The following HHAT variants were observed in gnomAD, a reference collection of about 807,000 sequenced individuals.
HHAT encodes the protein protein-cysteine N-palmitoyltransferase HHAT.
A neutral mutation model predicts 70.8 loss-of-function variants in HHAT; 47 were observed. That is an observed-to-expected ratio of 0.66 (90% CI 0.53 to 0.85). HHAT has a LOEUF of 0.85. Ranked by LOEUF, HHAT falls within the 40% of genes least tolerant of loss-of-function variation. The pLI, the probability that HHAT is intolerant of heterozygous loss-of-function variation, is 0.00. For missense variants in HHAT, 609 were observed against 604.8 expected (o/e 1.01, Z -0.07); for synonymous variants, 228 against 247.6 (o/e 0.92, Z 0.74).
intron 7 of HHAT, among the ~76,000 whole-genome samples, chr1:210,436,157 T>TA (rs1209900722): frequency 1.3e-5 from 2 of 151,842 alleles, no homozygotes; most frequent in Admixed American, 1.3e-4. Context: ...GATAGAGGTC[T>TA]AATTTGGTTC....
chr1:210,339,891 T>C (rs2085852629), intron 1 of HHAT, among the ~76,000 whole-genome samples: 1 of 152,218 alleles, frequency 6.6e-6, no homozygotes, highest in African/African-American at 2.4e-5. Context: ...AGTGGGTATA[T>C]ATTTTAAACT....
chr1:210,507,089 A>G (rs1219776818), intron 8 of HHAT, among the ~76,000 whole-genome samples: 1 of 152,206 alleles, frequency 6.6e-6, no homozygotes, highest in Non-Finnish European at 1.5e-5. Context: ...ATATGAAGGA[A>G]AAAGCACAGA....
At chr1:210,588,346 T>C (rs746368414) in intron 10 of HHAT, 57 of 410,106 alleles carry the variant, frequency 1.4e-4, no homozygotes, top group African/African-American at 2.6e-4. Context: ...AATTAGAACA[T>C]TTAAACAAGA....
chr1:210,667,767 T>C (rs532573598), intron 11 of HHAT, among the ~76,000 whole-genome samples: 81 of 152,324 alleles, frequency 5.3e-4, no homozygotes, highest in African/African-American at 1.9e-3. Context: ...AAATAATATA[T>C]ACTGTATTAT....
At chr1:210,634,778 G>T (rs1469887389) in intron 11 of HHAT, among the ~76,000 whole-genome samples, 4 of 152,156 alleles carry the variant, frequency 2.6e-5, no homozygotes, top group African/African-American at 9.7e-5. Flanking sequence ...TTGCTGGAGG[G>T]TTGGCTCATG....
chr1:210,394,229 C>CTTT lies in HHAT; in HGVS notation c.274-6206_274-6204dup, dbSNP rs59554789. On this transcript the variant is annotated intron_variant, in intron 4 of 11. Transcript: ENST00000261458. ...TTTTATTTTCAAAAGCATGATCTAT[C>CTTT]TTTTTTTTTTTTTTTTTTTTTTTTT... Among the ~76,000 whole-genome samples, 100 of 116,228 alleles carry CTTT rather than the reference C, an allele frequency of 8.6e-4. 5 individuals carry two copies. Among genetic ancestry groups the CTTT allele is most frequent in the East Asian group, 7.5e-3 (18 of 2,388 alleles). The allele number at this position is 116,228 out of a possible 152,430, so 76.3% of individuals were successfully genotyped here.
intron 8 of HHAT, among the ~76,000 whole-genome samples, chr1:210,484,384 G>C (rs746795062): frequency 4.6e-5 from 7 of 152,076 alleles, no homozygotes; most frequent in Non-Finnish European, 8.8e-5. Flanking sequence ...ATCCTTGTCA[G>C]GGTATGTCAT....
chr1:210,453,625 GACA>G (rs2093800669), intron 7 of HHAT, among the ~76,000 whole-genome samples: 1 of 152,024 alleles, frequency 6.6e-6, no homozygotes, highest in Non-Finnish European at 1.5e-5. Context: ...TTGGTGTACG[GACA>G]ACTTCTTAGA....
At chr1:210,420,859 T>C (rs1048342895) in intron 7 of HHAT, among the ~76,000 whole-genome samples, 2 of 152,172 alleles carry the variant, frequency 1.3e-5, no homozygotes, top group African/African-American at 4.8e-5. Context: ...TTAAAATATT[T>C]GAATCTCTGA....
intron 9 of HHAT, among the ~76,000 whole-genome samples, chr1:210,535,115 C>T (rs1429035705): frequency 6.6e-6 from 1 of 152,152 alleles, no homozygotes. Flanking sequence ...GCACAGAGGC[C>T]TCTCTGGGGC....
At chr1:210,651,957 T>C (rs1440297560) in intron 11 of HHAT, among the ~76,000 whole-genome samples, 1 of 152,086 alleles carries the variant, frequency 6.6e-6, no homozygotes, top group Non-Finnish European at 1.5e-5. Flanking sequence ...GGCCCAGAAA[T>C]GGTGTGGCTG....
At chr1:210,540,500 CATGCACACACACACAA>C (rs2095418702) in intron 9 of HHAT, among the ~76,000 whole-genome samples, 1 of 133,506 alleles carries the variant, frequency 7.5e-6, no homozygotes, top group South Asian at 2.8e-4. Flanking sequence ...CGCACACACA[CATGCACACACACACAA>C]ACACACGCTC....
intron 3 of HHAT, chr1:210,374,266 G>GT (rs775906519): frequency 6.6e-6 from 1 of 151,792 alleles, no homozygotes; most frequent in African/African-American, 2.4e-5. Flanking sequence ...AGAAACCAGT[G>GT]TAATGCTACA....
intron 8 of HHAT, among the ~76,000 whole-genome samples, chr1:210,504,846 T>C (rs939978788): frequency 1.3e-5 from 2 of 152,118 alleles, no homozygotes; most frequent in Admixed American, 6.5e-5. Flanking sequence ...CTAGTCTAAG[T>C]GTCTAAGTTT....
At chr1:210,631,196 G>A (rs1388689377) in intron 11 of HHAT, 1 of 441,766 alleles carries the variant, frequency 2.3e-6, no homozygotes, top group Non-Finnish European at 4.5e-6. Flanking sequence ...TAAGCCCTTT[G>A]ACTCCAAATT....
At chr1:210,536,129 A>T (rs1202431079) in intron 9 of HHAT, among the ~76,000 whole-genome samples, 5 of 152,212 alleles carry the variant, frequency 3.3e-5, no homozygotes, top group Non-Finnish European at 5.9e-5. Flanking sequence ...ATTGGGGAAA[A>T]TACGTTTAGA....
At chr1:210,414,653 G>A (rs928052344) in intron 6 of HHAT, among the ~76,000 whole-genome samples, 2 of 152,166 alleles carry the variant, frequency 1.3e-5, no homozygotes, top group Admixed American at 1.3e-4. Flanking sequence ...GAGTACATTT[G>A]CCTCTCTAAC....
intron 7 of HHAT, among the ~76,000 whole-genome samples, chr1:210,422,683 G>T (rs2092941345): frequency 1.3e-5 from 2 of 151,982 alleles, no homozygotes; most frequent in South Asian, 4.2e-4. Context: ...CATCGCCCAG[G>T]CTGGAGTGCA....
chr1:210,623,815 T>A, intron 11 of HHAT, 145 bp downstream of exon 11: 1 of 889,772 alleles, frequency 1.1e-6, no homozygotes, highest in South Asian at 1.7e-5. Flanking sequence ...CAGCCAGGAA[T>A]AATTTCCTAA....
Sources: gnomAD v4.1 joint callset for allele counts (sites outside exome capture counted in the v4.1 genomes callset) on GRCh38, gnomAD v4.1.1 for gene constraint, MANE v1.5 for transcripts, NCBI Gene and HGNC (gene_info 2026-07-23, HGNC 2026-07-21) for gene names.